The following NCOA2 variants were observed in gnomAD, a reference collection of about 807,000 sequenced individuals.
NCOA2 encodes the protein class E basic helix-loop-helix protein 75.
In NCOA2, 21 loss-of-function variants were observed where a neutral mutation model predicts 145.1. That is an observed-to-expected ratio of 0.14 (90% CI 0.10 to 0.21). The LOEUF is 0.21. Ranked by LOEUF, NCOA2 falls within the 10% of genes least tolerant of loss-of-function variation. The pLI is 1.00. For missense variants in NCOA2, 1,472 were observed against 1,837.6 expected (o/e 0.80, Z 3.64); for synonymous variants, 619 against 637.5 (o/e 0.97, Z 0.44).
intron 1 of NCOA2, among the ~76,000 whole-genome samples, chr8:70,399,738 T>G (rs1482004625): frequency 6.6e-6 from 1 of 152,266 alleles, no homozygotes; most frequent in African/African-American, 2.4e-5. Flanking sequence ...TGAGGGCACA[T>G]GCTGTGCATT....
chr8:70,138,901 A>G (rs531585033), intron 14 of NCOA2, among the ~76,000 whole-genome samples: 2 of 152,390 alleles, frequency 1.3e-5, no homozygotes, highest in East Asian at 1.9e-4. Flanking sequence ...AAACTCTACC[A>G]TAACGCTTGG....
intron 5 of NCOA2, among the ~76,000 whole-genome samples, chr8:70,171,226 G>A (rs576300028): frequency 6.6e-6 from 1 of 152,284 alleles, no homozygotes; most frequent in East Asian, 1.9e-4. Context: ...TAATAACAGT[G>A]GCTGTGGAGC....
At chr8:70,378,001 G>A (rs1481429968) in intron 1 of NCOA2, among the ~76,000 whole-genome samples, 2 of 152,172 alleles carry the variant, frequency 1.3e-5, no homozygotes, top group Non-Finnish European at 2.9e-5. Context: ...TTGGGTTTGA[G>A]AAGGAAGCAG....
intron 1 of NCOA2, among the ~76,000 whole-genome samples, chr8:70,369,940 C>T (rs1271072055): frequency 1.3e-5 from 2 of 151,496 alleles, no homozygotes; most frequent in Admixed American, 6.6e-5. Context: ...TTCATTCTGT[C>T]GCCCAGGCTG....
Position 70,112,479 on chromosome 8 carries a change from T to G in NCOA2, c.*1153A>C, listed in dbSNP as rs1159213104. 5.0e-6 allele frequency: 1 copy of G among 201,598 alleles called. No homozygotes were observed. Among genetic ancestry groups the G allele is most frequent in the Non-Finnish European group, 1.0e-5 (1 of 97,956 alleles). The allele number at this position is 201,598 out of a possible 1,614,324, so 12.5% of individuals were successfully genotyped here. On this transcript the variant is annotated 3_prime_UTR_variant, in exon 23 of 23. Coordinates refer to ENST00000452400, the MANE Select transcript of NCOA2 (RefSeq NM_006540.4). ...CAAAATAAAAAACACATGGCAGAGG[T>G]TAAATCTGTCGTGATATCTGCTATC...
At chr8:70,391,543 C>CT (rs1813209998) in intron 1 of NCOA2, among the ~76,000 whole-genome samples, 1 of 152,196 alleles carries the variant, frequency 6.6e-6, no homozygotes, top group Non-Finnish European at 1.5e-5. Context: ...AATAAGCTCT[C>CT]AAAGGTTGGC....
intron 16 of NCOA2, among the ~76,000 whole-genome samples, chr8:70,129,555 A>G (rs900840599): frequency 1.3e-5 from 2 of 152,164 alleles, no homozygotes; most frequent in African/African-American, 4.8e-5. Context: ...CTCCTCACCA[A>G]TGTGATGCGC....
chr8:70,248,567 A>G (rs1822815671), intron 2 of NCOA2, among the ~76,000 whole-genome samples: 1 of 152,060 alleles, frequency 6.6e-6, no homozygotes, highest in South Asian at 2.1e-4. Flanking sequence ...TGCTTCCAGG[A>G]GCTCCCCCTG....
the NCOA2 span, among the ~76,000 whole-genome samples, chr8:70,453,930 G>A: frequency 0.23 from 35,473 of 152,090 alleles, 4,670 homozygotes; most frequent in East Asian, 0.35. Flanking sequence ...GGGAATAAGC[G>A]CTATGAGTTT....
At chr8:70,442,736 G>A in the NCOA2 span, among the ~76,000 whole-genome samples, 1 of 152,158 alleles carries the variant, frequency 6.6e-6, no homozygotes, top group Non-Finnish European at 1.5e-5. Context: ...AACATACCAA[G>A]GCTTTTCCCT....
intron 15 of NCOA2, among the ~76,000 whole-genome samples, chr8:70,134,559 C>T (rs777416307): frequency 2.0e-5 from 3 of 152,190 alleles, no homozygotes; most frequent in Middle Eastern, 3.2e-3. Context: ...AAATCTAATG[C>T]GTGCAGGCTG....
At chr8:70,138,097 T>C (rs1809951688) in intron 15 of NCOA2, 106 bp downstream of exon 15, 1 of 1,233,420 alleles carries the variant, frequency 8.1e-7, no homozygotes, top group African/African-American at 1.5e-5. Flanking sequence ...GTAGATAATA[T>C]AGTACCAATA....
At chr8:70,362,997 G>A (rs1306122043) in intron 1 of NCOA2, among the ~76,000 whole-genome samples, 1 of 150,474 alleles carries the variant, frequency 6.6e-6, no homozygotes, top group Non-Finnish European at 1.5e-5. Context: ...AGGATCACCT[G>A]AGCCCGGAGA....
chr8:70,307,330 A>G (rs1236772998), intron 1 of NCOA2, among the ~76,000 whole-genome samples: 1 of 152,124 alleles, frequency 6.6e-6, no homozygotes, highest in African/African-American at 2.4e-5. Flanking sequence ...TACTTGACAC[A>G]AGGAATTTCA....
At chr8:70,389,356 C>T (rs1812974766) in intron 1 of NCOA2, among the ~76,000 whole-genome samples, 1 of 152,066 alleles carries the variant, frequency 6.6e-6, no homozygotes, top group African/African-American at 2.4e-5. Context: ...TCTCAGCTCA[C>T]CGCAACCTCC....
chr8:70,225,387 A>C (rs1820532091), intron 2 of NCOA2, among the ~76,000 whole-genome samples: 3 of 151,998 alleles, frequency 2.0e-5, no homozygotes, highest in Non-Finnish European at 4.4e-5. Context: ...CCTCTACTAA[A>C]AAAATACAAA....
intron 2 of NCOA2, among the ~76,000 whole-genome samples, chr8:70,243,791 GA>G (rs200949977): frequency 0.026 from 2,614 of 99,500 alleles, 53 homozygotes; most frequent in East Asian, 0.06. Flanking sequence ...ATAAAAAATG[GA>G]AAAAAAAAAA....
chr8:70,263,386 A>C (rs1325769977), intron 2 of NCOA2, among the ~76,000 whole-genome samples: 1 of 151,862 alleles, frequency 6.6e-6, no homozygotes, highest in Non-Finnish European at 1.5e-5. Context: ...GCCACAGTTG[A>C]CCGCAGATAA....
intron 1 of NCOA2, among the ~76,000 whole-genome samples, chr8:70,369,139 T>C (rs1345946089): frequency 1.3e-5 from 2 of 152,260 alleles, no homozygotes; most frequent in African/African-American, 4.8e-5. Context: ...TGTGATTTTC[T>C]ATCCATTATC....
Sources: gnomAD v4.1 joint callset for allele counts (sites outside exome capture counted in the v4.1 genomes callset) on GRCh38, gnomAD v4.1.1 for gene constraint, MANE v1.5 for transcripts, NCBI Gene and HGNC (gene_info 2026-07-23, HGNC 2026-07-21) for gene names.